The following ABCB5 variants were observed in gnomAD, a reference collection of about 807,000 sequenced individuals.
ABCB5 encodes ATP-binding cassette sub-family B member 5.
Under a neutral mutation model 144.2 loss-of-function variants are expected in ABCB5, and 155 were observed. The observed-to-expected ratio is 1.08, with a 90% CI of 0.94 to 1.23. The LOEUF is 1.23. Among genes scored for constraint, ABCB5 ranks in the 50% most tolerant of loss-of-function variants. ABCB5 has a pLI of 0.00. For synonymous variants in ABCB5, 610 were observed against 528.6 expected, an observed-to-expected ratio of 1.15 and a Z score of -2.11; for missense variants, 1,830 against 1,520.8, an observed-to-expected ratio of 1.20 and a Z score of -3.38.
chr7:20,698,620 A>G, intron 17 of ABCB5, 70 bp downstream of exon 17: 1 of 1,454,636 alleles, frequency 6.9e-7, no homozygotes. Context: ...ACAAGCTTGT[A>G]TCAGTCTAAA....
intron 4 of ABCB5, among the ~76,000 whole-genome samples, chr7:20,629,070 C>T (rs768388743): frequency 6.6e-6 from 1 of 151,404 alleles, no homozygotes; most frequent in East Asian, 1.9e-4. Context: ...GAAACAAAAT[C>T]CCCTATTAGT....
intron 19 of ABCB5, among the ~76,000 whole-genome samples, chr7:20,704,183 C>T (rs940108669): frequency 6.7e-6 from 1 of 148,728 alleles, no homozygotes; most frequent in Non-Finnish European, 1.5e-5. Flanking sequence ...TCAAGCAATC[C>T]TCCCCACCTC....
At chr7:20,649,314 G>T (rs542002161) in intron 11 of ABCB5, among the ~76,000 whole-genome samples, 1 of 152,140 alleles carries the variant, frequency 6.6e-6, no homozygotes, top group Admixed American at 6.6e-5. Context: ...TGAGATCAAA[G>T]CAAGAGAATT....
intron 4 of ABCB5, among the ~76,000 whole-genome samples, chr7:20,629,677 G>T (rs746261040): frequency 3.9e-5 from 6 of 152,058 alleles, no homozygotes; most frequent in Non-Finnish European, 8.8e-5. Context: ...CAGGAGAATT[G>T]TTTGAACCCA....
At chr7:20,685,624 G>C (rs1439990928) in intron 15 of ABCB5, 72 bp from the exon 16 acceptor site, 3 of 1,365,142 alleles carry the variant, frequency 2.2e-6, no homozygotes, top group African/African-American at 1.5e-5. Context: ...CAGCTTTAAA[G>C]AGATGCTTAA....
At chr7:20,680,256 G>A (rs918611042) in intron 14 of ABCB5, among the ~76,000 whole-genome samples, 2 of 152,048 alleles carry the variant, frequency 1.3e-5, no homozygotes, top group Admixed American at 6.6e-5. Flanking sequence ...CTTGGTATAG[G>A]TGAGTGCTAA....
chr7:20,725,695 A>G (rs1291020211), intron 21 of ABCB5, among the ~76,000 whole-genome samples: 1 of 152,156 alleles, frequency 6.6e-6, no homozygotes, highest in African/African-American at 2.4e-5. Context: ...GATTTTTTTA[A>G]TGTTCATTCC....
At chr7:20,740,739 T>G (rs1782534745) in intron 24 of ABCB5, among the ~76,000 whole-genome samples, 1 of 152,230 alleles carries the variant, frequency 6.6e-6, no homozygotes, top group African/African-American at 2.4e-5. Context: ...TTATAAAGGC[T>G]ATAAAATTAA....
intron 27 of ABCB5, among the ~76,000 whole-genome samples, chr7:20,754,967 G>C (rs1381342349): frequency 2.3e-5 from 3 of 130,652 alleles, no homozygotes; most frequent in Non-Finnish European, 4.9e-5. Flanking sequence ...TTTTTTTTTT[G>C]AGACGGAGTT....
intron 16 of ABCB5, among the ~76,000 whole-genome samples, chr7:20,691,168 C>CTTTTTT (rs58696871): frequency 5.9e-4 from 27 of 46,120 alleles, no homozygotes; most frequent in East Asian, 4.7e-3. Flanking sequence ...ACCCAGTGGA[C>CTTTTTT]TTTTTTTTTT....
At chr7:20,717,314 A>G (rs765751352) in intron 20 of ABCB5, among the ~76,000 whole-genome samples, 42 of 152,142 alleles carry the variant, frequency 2.8e-4, no homozygotes, top group Non-Finnish European at 5.9e-4. Context: ...CTAGAAGCCC[A>G]AGAACAAGAT....
At chr7:20,683,381 T>C (rs1785888333) in intron 15 of ABCB5, among the ~76,000 whole-genome samples, 1 of 152,208 alleles carries the variant, frequency 6.6e-6, no homozygotes, top group African/African-American at 2.4e-5. Context: ...GACCTAATAA[T>C]TTACGAGGTT....
At chr7:20,653,354 A>G (rs1472294961) in intron 13 of ABCB5, among the ~76,000 whole-genome samples, 1 of 152,252 alleles carries the variant, frequency 6.6e-6, no homozygotes, top group Admixed American at 6.5e-5. Flanking sequence ...CACAATAATG[A>G]ATGAAAGTTC....
At chr7:20,655,578 C>A (rs562655422) in intron 13 of ABCB5, among the ~76,000 whole-genome samples, 7 of 151,002 alleles carry the variant, frequency 4.6e-5, no homozygotes, top group South Asian at 2.1e-4. Context: ...CATCAACAGA[C>A]AAAATGCTTA....
intron 23 of ABCB5, among the ~76,000 whole-genome samples, chr7:20,738,171 G>A (rs1782449328): frequency 6.6e-6 from 1 of 152,196 alleles, no homozygotes; most frequent in Admixed American, 6.6e-5. Flanking sequence ...AGCGACACTG[G>A]TCCAGTTTTA....
chr7:20,700,761 T>G (rs1583435079), intron 19 of ABCB5, among the ~76,000 whole-genome samples: 1 of 152,274 alleles, frequency 6.6e-6, no homozygotes, highest in Middle Eastern at 3.4e-3. Context: ...ACCTCTAAAA[T>G]TCTTTCACGA....
chr7:20,749,324 C>T (rs1782841019), intron 26 of ABCB5, among the ~76,000 whole-genome samples: 1 of 149,780 alleles, frequency 6.7e-6, no homozygotes, highest in Non-Finnish European at 1.5e-5. Flanking sequence ...ACCTCCTGGG[C>T]TCAAGTGTTC....
chr7:20,676,166 A>C (rs1037135203), intron 14 of ABCB5, among the ~76,000 whole-genome samples: 1 of 80,228 alleles, frequency 1.2e-5, no homozygotes, highest in South Asian at 3.8e-4. Context: ...TCTACTACAC[A>C]TACACACACA....
rs1264008685 is a variant in ABCB5, at chr7:20,648,010, G to A, written c.1138G>A (p.Glu380Lys). The A allele has an allele frequency of 6.2e-7, 1 of 1,611,782 alleles. No individual in the cohort carries two copies. The highest frequency in any genetic ancestry group is 8.5e-7 in the Non-Finnish European group (1 of 1,178,326). The part of the protein sequence containing the change: ...DNFSTAGYKP[E>K]SIEGTVEFKN... ...CTTTTCCACAGCTGGATATAAACCT[G>A]AATCCATAGAAGGAACTGTGGAATT... Residue 380 changes from glutamate (E) to lysine (K), a missense_variant, in exon 11 of 28, where the codon GAA becomes AAA. Glu to Lys is a moderately conservative substitution (Grantham distance 56). Coordinates refer to ENST00000404938, the MANE Select transcript of ABCB5 (RefSeq NM_001163941.2).
Sources: allele counts gnomAD v4.1 joint callset (sites outside exome capture counted in the v4.1 genomes callset), GRCh38; gene constraint gnomAD v4.1.1; transcripts MANE v1.5; gene names NCBI Gene and HGNC (gene_info 2026-07-23, HGNC 2026-07-21).